Variants in MAP3K20 observed in about 807,000 individuals in gnomAD.
The protein encoded by MAP3K20 is HCCS-4.
MAP3K20 carries 40 observed loss-of-function variants against 85.7 expected under a neutral mutation model. That is an observed-to-expected ratio of 0.47 (90% CI 0.36 to 0.61). MAP3K20 has a LOEUF of 0.61. Ranked by LOEUF, MAP3K20 falls within the 20% of genes least tolerant of loss-of-function variation. MAP3K20 has a pLI of 0.00. For synonymous variants in MAP3K20, 325 were observed against 327.7 expected (o/e 0.99, Z 0.09); for missense variants, 817 against 961.7 (o/e 0.85, Z 1.99).
chr2:173,097,219 G>T (rs1345091494), intron 2 of MAP3K20, among the ~76,000 whole-genome samples: 1 of 152,184 alleles, frequency 6.6e-6, no homozygotes, highest in East Asian at 1.9e-4. Flanking sequence ...AGCCAAGCAT[G>T]GTGGCGGGCG....
At position 173,217,145 on chromosome 2, in the gene MAP3K20, A is replaced by G. The variant is rs149999506; in HGVS notation, c.882A>G (p.Leu294=). 1.3e-6 allele frequency: 2 copies of G among 1,590,278 alleles called. No homozygotes were observed. Among genetic ancestry groups the G allele is most frequent in the South Asian group, 1.2e-5 (1 of 86,816 alleles). Residue 294 remains leucine, a synonymous_variant, in exon 11 of 20, where the codon CTA becomes CTG. Coordinates refer to ENST00000375213, the MANE Select transcript of MAP3K20 (RefSeq NM_016653.3). ...RCEIEATLER[L]KKLERDLSFK... Reference sequence around the variant, plus strand: ...AAATTGAGGCAACTCTTGAGAGGCTAAAGAAACTAGAGCGTGATCTCAGCT... The same window carrying G: ...AAATTGAGGCAACTCTTGAGAGGCTGAAGAAACTAGAGCGTGATCTCAGCT...
At chr2:173,243,412 C>T (rs376326651) in intron 16 of MAP3K20, among the ~76,000 whole-genome samples, 35 of 152,270 alleles carry the variant, frequency 2.3e-4, no homozygotes, top group East Asian at 7.7e-4. Context: ...CAGGAAAACA[C>T]AGGGAGCTCT....
At chr2:173,135,361 TA>T (rs1214803695) in intron 2 of MAP3K20, among the ~76,000 whole-genome samples, 2 of 152,076 alleles carry the variant, frequency 1.3e-5, no homozygotes, top group Non-Finnish European at 2.9e-5. Flanking sequence ...GCAATAAGAA[TA>T]AGAACCTGAA....
intron 2 of MAP3K20, among the ~76,000 whole-genome samples, chr2:173,112,002 G>A (rs1687989145): frequency 6.6e-6 from 1 of 152,128 alleles, no homozygotes; most frequent in South Asian, 2.1e-4. Context: ...ATTGCTTTTG[G>A]CATTATGGTC....
At chr2:173,083,727 C>T (rs536196546) in intron 1 of MAP3K20, among the ~76,000 whole-genome samples, 1 of 152,216 alleles carries the variant, frequency 6.6e-6, no homozygotes, top group East Asian at 1.9e-4. Context: ...TGACAAAGCA[C>T]ATATTATTAA....
intron 5 of MAP3K20, among the ~76,000 whole-genome samples, chr2:173,188,454 A>G (rs1287984445): frequency 1.3e-5 from 2 of 152,144 alleles, no homozygotes; most frequent in East Asian, 1.9e-4. Context: ...CGAACTATCT[A>G]TTTTTAGGAG....
chr2:173,169,698 C>G (rs1296920725), intron 2 of MAP3K20, 107 bp from the exon 3 acceptor site: 7 of 1,077,336 alleles, frequency 6.5e-6, no homozygotes, highest in Non-Finnish European at 2.7e-6. Context: ...CTAGCCTGGA[C>G]AACACAGCAA....
intron 4 of MAP3K20, among the ~76,000 whole-genome samples, chr2:173,185,448 A>G (rs1225758788): frequency 9.2e-5 from 14 of 152,182 alleles, no homozygotes; most frequent in Non-Finnish European, 1.9e-4. Flanking sequence ...TAAAAAAAAA[A>G]AATCAAGGCT....
intron 17 of MAP3K20, among the ~76,000 whole-genome samples, chr2:173,259,096 T>C (rs1685228647): frequency 6.6e-6 from 1 of 152,208 alleles, no homozygotes; most frequent in South Asian, 2.1e-4. Context: ...TACTCTGCCA[T>C]TTATTAAAGG....
chr2:173,144,919 T>C (rs1689094452), intron 2 of MAP3K20, among the ~76,000 whole-genome samples: 1 of 152,166 alleles, frequency 6.6e-6, no homozygotes, highest in Non-Finnish European at 1.5e-5. Flanking sequence ...GAATTTCATA[T>C]TTAGACCCAG....
At chr2:173,096,649 T>C (rs565315904) in intron 2 of MAP3K20, among the ~76,000 whole-genome samples, 4 of 152,364 alleles carry the variant, frequency 2.6e-5, no homozygotes, top group Admixed American at 6.5e-5. Context: ...ATCTAGTGAA[T>C]TGAGTTTTGT....
intron 18 of MAP3K20, among the ~76,000 whole-genome samples, chr2:173,263,447 C>A (rs775889063): frequency 2.6e-5 from 4 of 152,076 alleles, no homozygotes; most frequent in Non-Finnish European, 5.9e-5. Context: ...GAAAAGACAA[C>A]CATATTTTTT....
At chr2:173,076,519 T>C (rs959285352) in intron 1 of MAP3K20, among the ~76,000 whole-genome samples, 5 of 152,360 alleles carry the variant, frequency 3.3e-5, no homozygotes, top group Non-Finnish European at 7.3e-5. Flanking sequence ...GAACTTCTGC[T>C]TTTCTAAGAA....
intron 2 of MAP3K20, among the ~76,000 whole-genome samples, 157 bp from the exon 3 acceptor site, chr2:173,169,648 A>G (rs1689943540): frequency 6.6e-6 from 1 of 152,092 alleles, no homozygotes; most frequent in South Asian, 2.1e-4. Flanking sequence ...TGAGCCCAGG[A>G]GGCCAAGGCT....
rs1164661445 is a variant in MAP3K20 at position 173,198,473 on chromosome 2, CG to C, written c.669+364del. 6.4e-6 allele frequency: 1 copy of C among 156,592 alleles called. No homozygotes were observed. Among genetic ancestry groups the C allele is most frequent in the African/African-American group, 2.4e-5 (1 of 41,458 alleles). The allele number at this position is 156,592 out of a possible 1,614,324, so 9.7% of individuals were successfully genotyped here. On this transcript the variant is annotated intron_variant, in intron 8 of 19. Transcript: ENST00000375213. This position sits in a 1 kb window ranked among gnomAD's most constrained non-coding sequence, Gnocchi z 5.8. ...CGTTTAGGACATCTTTTTTACTGGC[CG>C]GGAGTTGATATATCTGTAAGAGACC... is the stretch of plus-strand genomic sequence containing the variant.
At chr2:173,121,479 C>T (rs902057325) in intron 2 of MAP3K20, among the ~76,000 whole-genome samples, 8 of 152,124 alleles carry the variant, frequency 5.3e-5, no homozygotes, top group Admixed American at 3.3e-4. Flanking sequence ...CTCTGCCTCC[C>T]GGGTTCACGC....
chr2:173,178,675 A>G (rs1574082328), intron 3 of MAP3K20, among the ~76,000 whole-genome samples: 1 of 152,312 alleles, frequency 6.6e-6, no homozygotes, highest in East Asian at 1.9e-4. Flanking sequence ...GTAATTTTAA[A>G]TATTTCCATA....
In MAP3K20 at chr2:173,130,469, G is replaced by A. The variant is rs142665130; in HGVS notation, c.159+39279G>A. 3.3e-5 allele frequency among the ~76,000 whole-genome samples: 5 copies of A among 152,146 alleles called. No individual in the cohort carries two copies. In the East Asian group the frequency reaches 9.6e-4, roughly 29 times the overall value. On this transcript the variant is annotated intron_variant, in intron 2 of 19. Coordinates refer to ENST00000375213, the MANE Select transcript of MAP3K20 (RefSeq NM_016653.3). ...TATTTTTATGCTATCAAGGAGACAG[G>A]GATACTCATATTTTTATCCTGGACT...
At chr2:173,148,334 G>A (rs1259724140) in intron 2 of MAP3K20, among the ~76,000 whole-genome samples, 1 of 152,134 alleles carries the variant, frequency 6.6e-6, no homozygotes, top group Non-Finnish European at 1.5e-5. Context: ...AAACCTTCTT[G>A]TTACCACTTT....
Sources: allele counts gnomAD v4.1 joint callset (sites outside exome capture counted in the v4.1 genomes callset), GRCh38; gene constraint gnomAD v4.1.1; non-coding constraint Gnocchi (gnomAD v3.1); transcripts MANE v1.5; gene names NCBI Gene and HGNC (gene_info 2026-07-23, HGNC 2026-07-21).